The following PARD3 variants were observed in gnomAD, a reference collection of about 807,000 sequenced individuals.
PARD3 encodes the protein partitioning defective 3 homolog.
PARD3 carries 75 observed loss-of-function variants against 155.4 expected under a neutral mutation model. The ratio of observed to expected loss-of-function variants is 0.48; its 90% CI spans 0.40 to 0.58. The LOEUF (loss-of-function observed/expected upper bound fraction) is 0.58, where lower values mean the gene tolerates loss of function less well. Ranked by LOEUF, PARD3 falls within the 20% of genes least tolerant of loss-of-function variation. The probability of loss-of-function intolerance (pLI) is 0.00; values close to 1 mark genes in which losing one functional copy is unlikely to be tolerated. For missense variants in PARD3, 1,642 were observed against 1,721.7 expected, an observed-to-expected ratio of 0.95 and a Z score of 0.82; for synonymous variants, 576 against 610.5, an observed-to-expected ratio of 0.94 and a Z score of 0.83.
At chr10:34,319,329 C>T in intron 19 of PARD3, among the ~76,000 whole-genome samples, 1 of 151,490 alleles carries the variant, frequency 6.6e-6, no homozygotes, top group Non-Finnish European at 1.5e-5. Context: ...CCTCATGATC[C>T]ACCAGCCTCT....
intron 22 of PARD3, among the ~76,000 whole-genome samples, chr10:34,148,634 A>C (rs2132939496): frequency 6.6e-6 from 1 of 152,272 alleles, no homozygotes; most frequent in South Asian, 2.1e-4. Context: ...GAAATAGATA[A>C]GTGGCATCAT....
chr10:34,499,616 T>C (rs923877423), intron 3 of PARD3, among the ~76,000 whole-genome samples: 2 of 152,202 alleles, frequency 1.3e-5, no homozygotes, highest in Non-Finnish European at 2.9e-5. Context: ...CATGGATCTG[T>C]TGAAATTTTA....
intron 20 of PARD3, among the ~76,000 whole-genome samples, chr10:34,290,765 T>C (rs528069137): frequency 6.6e-6 from 1 of 152,346 alleles, no homozygotes; most frequent in South Asian, 2.1e-4. Context: ...GCATAACCTG[T>C]CTTTGACCAT....
chr10:34,430,836 C>T (rs16935403), intron 5 of PARD3, among the ~76,000 whole-genome samples: 1 of 152,142 alleles, frequency 6.6e-6, no homozygotes, highest in African/African-American at 2.4e-5. Flanking sequence ...CTCAGAAAGT[C>T]AAATCTAGGC....
intron 1 of PARD3, among the ~76,000 whole-genome samples, chr10:34,768,635 C>T (rs545182985): frequency 3.7e-4 from 56 of 152,266 alleles, no homozygotes; most frequent in African/African-American, 1.3e-3. Context: ...TTTTGGGGCC[C>T]CCAAGATTTA....
At chr10:34,643,866 A>G (rs148720246) in intron 2 of PARD3, among the ~76,000 whole-genome samples, 14 of 152,330 alleles carry the variant, frequency 9.2e-5, no homozygotes, top group African/African-American at 3.4e-4. Flanking sequence ...GCACTGAGCT[A>G]TGATTGCACC....
chr10:34,761,346 G>A (rs1017707771), intron 1 of PARD3, among the ~76,000 whole-genome samples: 7 of 152,170 alleles, frequency 4.6e-5, no homozygotes, highest in Non-Finnish European at 1.0e-4. Flanking sequence ...AGGAGGCTGA[G>A]GTTGCAGTGA....
In PARD3 at chr10:34,617,428, AAAAC is replaced by A. The variant is rs1235309416; in HGVS notation, c.222+78886_222+78889del. On this transcript the variant is annotated intron_variant, in intron 2 of 24. Transcript: ENST00000374788. ...TAGTGGTCTAAGGCCCTGTAGGGTGAAAACAAATACTAATGTATTGTGTATTTTC... is the reference window on the plus strand; with the variant it reads ...TAGTGGTCTAAGGCCCTGTAGGGTGAAAATACTAATGTATTGTGTATTTTC... 2.0e-5 allele frequency among the ~76,000 whole-genome samples: 3 copies of A among 152,286 alleles called. No homozygotes were observed. The East Asian group carries it at 5.8e-4, about 29-fold the overall frequency.
chr10:34,542,986 G>T (rs2083756698), intron 2 of PARD3, among the ~76,000 whole-genome samples: 1 of 152,104 alleles, frequency 6.6e-6, no homozygotes, highest in Non-Finnish European at 1.5e-5. Context: ...TTAGATGTTA[G>T]GATTGACTTA....
chr10:34,236,244 T>C (rs758969534), intron 22 of PARD3, among the ~76,000 whole-genome samples: 1 of 152,178 alleles, frequency 6.6e-6, no homozygotes, highest in Non-Finnish European at 1.5e-5. Context: ...TCCAGTGATA[T>C]CCATAAAAGA....
At chr10:34,496,668 C>T (rs935966066) in intron 3 of PARD3, among the ~76,000 whole-genome samples, 3 of 152,088 alleles carry the variant, frequency 2.0e-5, no homozygotes, top group Non-Finnish European at 2.9e-5. Flanking sequence ...CCAATTTCAA[C>T]GAAGAAACTG....
intron 12 of PARD3, among the ~76,000 whole-genome samples, chr10:34,364,084 T>C (rs745372928): frequency 3.3e-5 from 5 of 152,144 alleles, no homozygotes; most frequent in Non-Finnish European, 7.4e-5. Context: ...AAACTGAGAA[T>C]AGAGCTGGCC....
chr10:34,808,740 G>A (rs1254453419), intron 1 of PARD3, among the ~76,000 whole-genome samples: 1 of 152,148 alleles, frequency 6.6e-6, no homozygotes, highest in Non-Finnish European at 1.5e-5. Flanking sequence ...CAGGACAGAC[G>A]GAGGATCCGT....
At position 34,214,661 on chromosome 10, in the gene PARD3, A is replaced by T. The variant is rs1301882621; in HGVS notation, c.3419+54996T>A. Among the ~76,000 whole-genome samples the T allele has an allele frequency of 2.1e-5, 3 of 143,544 alleles. No individual in the cohort carries two copies. In the South Asian group the frequency reaches 6.5e-4, roughly 31 times the overall value. The allele number at this position is 143,544 out of a possible 152,430, so 94.2% of individuals were successfully genotyped here. ...GCAAGACTCTGTCTCTGCAAAAAAT[A>T]AAAAAAAATATATTATTTTAAAGTG... On this transcript the variant is annotated intron_variant, in intron 22 of 24. Coordinates refer to ENST00000374788, the MANE Select transcript of PARD3 (RefSeq NM_001184785.2).
At chr10:34,747,158 A>G (rs1454430965) in intron 1 of PARD3, among the ~76,000 whole-genome samples, 1 of 152,232 alleles carries the variant, frequency 6.6e-6, no homozygotes, top group Non-Finnish European at 1.5e-5. Context: ...TTGGAAATCA[A>G]TGTAAAAATC....
At chr10:34,152,263 T>C (rs1435639848) in intron 22 of PARD3, among the ~76,000 whole-genome samples, 1 of 152,204 alleles carries the variant, frequency 6.6e-6, no homozygotes, top group Non-Finnish European at 1.5e-5. Flanking sequence ...ACAATGCAGC[T>C]ACATCCTGAG....
At chr10:34,606,401 T>C (rs2496720) in intron 2 of PARD3, among the ~76,000 whole-genome samples, 16,681 of 151,768 alleles carry the variant, frequency 0.11, 1,351 homozygotes, top group South Asian at 0.32. Context: ...CGGATCCAGT[T>C]CCCCTCCTCA....
At chr10:34,808,289 G>A (rs574818039) in intron 1 of PARD3, among the ~76,000 whole-genome samples, 4 of 152,230 alleles carry the variant, frequency 2.6e-5, no homozygotes, top group African/African-American at 9.6e-5. Flanking sequence ...ACTCCAGCCT[G>A]GGTGACAAAG....
rs74134130 is a variant in PARD3 at position 34,415,143 on chromosome 10, G to A, written c.715-13226C>T. Among the ~76,000 whole-genome samples, 1,143 of 152,196 alleles carry A rather than the reference G, an allele frequency of 7.5e-3. 14 individuals are homozygous for A. Among genetic ancestry groups the A allele is most frequent in the African/African-American group, 0.026 (1,084 of 41,516 alleles). On this transcript the variant is annotated intron_variant, in intron 5 of 24. Coordinates refer to ENST00000374788, the MANE Select transcript of PARD3 (RefSeq NM_001184785.2). ...ATGAAGAAATCAGAGAGCCAGGAGCGTGCTAATAAACATCTAATAGAATCT... is the reference window on the plus strand; with the variant it reads ...ATGAAGAAATCAGAGAGCCAGGAGCATGCTAATAAACATCTAATAGAATCT...
Sources: allele counts gnomAD v4.1 joint callset (sites outside exome capture counted in the v4.1 genomes callset), GRCh38; gene constraint gnomAD v4.1.1; transcripts MANE v1.5; gene names NCBI Gene and HGNC (gene_info 2026-07-23, HGNC 2026-07-21).